MTRF1: variants seen among roughly 807,000 people sequenced by gnomAD.
The protein encoded by MTRF1 is peptide chain release factor 1, mitochondrial.
Under a neutral mutation model 62.9 loss-of-function variants are expected in MTRF1, and 51 were observed. That is an observed-to-expected ratio of 0.81 (90% CI 0.65 to 1.02). The LOEUF (loss-of-function observed/expected upper bound fraction) is 1.02, where lower values mean the gene tolerates loss of function less well. Among genes scored for constraint, MTRF1 ranks in the 50% least tolerant of loss-of-function variants. MTRF1 has a pLI of 0.00. For synonymous variants in MTRF1, 158 were observed against 181.9 expected (o/e 0.87, Z 1.06); for missense variants, 446 against 530.0 (o/e 0.84, Z 1.56).
At chr13:41,293,159 T>C in the MTRF1 span, among the ~76,000 whole-genome samples, 1 of 152,036 alleles carries the variant, frequency 6.6e-6, no homozygotes, top group Non-Finnish European at 1.5e-5. Flanking sequence ...TCTTTGTGTG[T>C]GTGTGTGTGT....
intron 5 of MTRF1, among the ~76,000 whole-genome samples, chr13:41,250,655 A>T (rs1449368518): frequency 1.3e-5 from 2 of 152,106 alleles, no homozygotes; most frequent in African/African-American, 2.4e-5. Flanking sequence ...CACCACACCC[A>T]GCTAATTTTT....
chr13:41,278,918 C>T, the MTRF1 span, among the ~76,000 whole-genome samples: 52 of 152,260 alleles, frequency 3.4e-4, no homozygotes, highest in African/African-American at 1.2e-3. Flanking sequence ...GCTGAACATG[C>T]CTTGTTATAC....
the MTRF1 span, among the ~76,000 whole-genome samples, chr13:41,271,082 C>CACACACACACAT: frequency 6.7e-6 from 1 of 149,944 alleles, no homozygotes; most frequent in Non-Finnish European, 1.5e-5. Flanking sequence ...CACACACACA[C>CACACACACACAT]ACACACACAC....
intron 8 of MTRF1, among the ~76,000 whole-genome samples, chr13:41,224,061 C>G (rs550967418): frequency 6.6e-5 from 10 of 152,246 alleles, no homozygotes; most frequent in African/African-American, 2.4e-4. Flanking sequence ...GCCAATCTTC[C>G]CAGTGTTATT....
intron 9 of MTRF1, among the ~76,000 whole-genome samples, chr13:41,222,421 GC>G: frequency 6.6e-6 from 1 of 152,256 alleles, no homozygotes; most frequent in Admixed American, 6.5e-5. Flanking sequence ...ATTCTAAGAT[GC>G]CCCCTGGTGT....
At chr13:41,286,939 C>T in the MTRF1 span, among the ~76,000 whole-genome samples, 2 of 152,170 alleles carry the variant, frequency 1.3e-5, no homozygotes, top group Non-Finnish European at 2.9e-5. Context: ...TTCTGCTTTA[C>T]CTATCGGAAA....
intron 1 of MTRF1, chr13:41,262,312 G>A (rs560929025): frequency 4.3e-5 from 6 of 141,022 alleles, no homozygotes; most frequent in Non-Finnish European, 6.0e-5. Flanking sequence ...TGCAACCAGC[G>A]TGGGCGACAA....
At chr13:41,243,909 C>G (rs902440933) in intron 5 of MTRF1, among the ~76,000 whole-genome samples, 1 of 152,144 alleles carries the variant, frequency 6.6e-6, no homozygotes, top group African/African-American at 2.4e-5. Flanking sequence ...TGCATATGCT[C>G]TTGCCATTTG....
At chr13:41,276,307 G>A in the MTRF1 span, among the ~76,000 whole-genome samples, 1 of 152,000 alleles carries the variant, frequency 6.6e-6, no homozygotes, top group Admixed American at 6.6e-5. Flanking sequence ...GAGTAGCTGG[G>A]ATTACAGGTA....
At chr13:41,309,714 T>C in the MTRF1 span, among the ~76,000 whole-genome samples, 2 of 152,074 alleles carry the variant, frequency 1.3e-5, no homozygotes, top group Middle Eastern at 3.2e-3. Context: ...GAAAATCAAA[T>C]AGGCAGGCAC....
rs761757522 is a variant in MTRF1, at chr13:41,240,338, C to T, written c.793G>A (p.Glu265Lys). ...TGCATCCTTGAGGACAGGCCCACCT[C>T]GGGGATGCGCTGAACTCGGTGAATC... is the stretch of plus-strand genomic sequence containing the variant. ...GGIHRVQRIP[E>K]VGLSSRMQRI... is the part of the protein sequence containing the mutation. Residue 265 changes from glutamate (E) to lysine (K), a missense_variant, in exon 6 of 10, where the codon GAG becomes AAG. Physicochemically the swap from Glu to Lys is moderately conservative, Grantham distance 56. Coordinates refer to ENST00000379480, the MANE Select transcript of MTRF1 (RefSeq NM_004294.4). 18 of 1,613,782 alleles carry T rather than the reference C, an allele frequency of 1.1e-5. No homozygotes were observed. The highest frequency in any genetic ancestry group is 1.6e-4 in the Middle Eastern group (1 of 6,080).
chr13:41,257,242 C>A (rs2039850197), intron 2 of MTRF1, among the ~76,000 whole-genome samples: 1 of 152,106 alleles, frequency 6.6e-6, no homozygotes, highest in Admixed American at 6.6e-5. Flanking sequence ...AATACCAAAC[C>A]AAGAAATCTC....
chr13:41,299,610 C>G, the MTRF1 span, among the ~76,000 whole-genome samples: 1 of 152,080 alleles, frequency 6.6e-6, no homozygotes, highest in Non-Finnish European at 1.5e-5. Context: ...GTAAGATTGC[C>G]CATAATTAAG....
At chr13:41,225,057 C>G (rs1447839055) in intron 8 of MTRF1, among the ~76,000 whole-genome samples, 1 of 151,864 alleles carries the variant, frequency 6.6e-6, no homozygotes, top group African/African-American at 2.4e-5. Context: ...GTAAAAAATA[C>G]AAAAATGAGC....
the MTRF1 span, among the ~76,000 whole-genome samples, chr13:41,272,624 T>A: frequency 6.2e-3 from 940 of 152,192 alleles, 8 homozygotes; most frequent in African/African-American, 0.021. Flanking sequence ...AAGACCAGCT[T>A]ATTGTTAAAC....
chr13:41,259,712 A>AAAAAAC (rs57661393), intron 2 of MTRF1, among the ~76,000 whole-genome samples: 11 of 136,714 alleles, frequency 8.0e-5, no homozygotes, highest in South Asian at 4.4e-4. Context: ...AAAAAAAAAA[A>AAAAAAC]AAAAAAAAAC....
the MTRF1 span, chr13:41,311,580 T>C: frequency 9.1e-5 from 146 of 1,607,256 alleles, no homozygotes; most frequent in Non-Finnish European, 1.2e-4. Context: ...CAAACGCATC[T>C]TGGTGAGTGG....
rs2037316642 is a variant in MTRF1 at position 41,240,320 on chromosome 13, T to G, written c.811A>C (p.Arg271=). 1 of 1,613,606 alleles carries G rather than the reference T, an allele frequency of 6.2e-7. No homozygotes were observed. Among genetic ancestry groups the G allele is most frequent in the Non-Finnish European group, 8.5e-7 (1 of 1,179,838 alleles). The change falls in exon 6 of 10, where the codon AGG becomes CGG. Residue 271 remains arginine, a synonymous_variant. Transcript: ENST00000379480. ...QRIPEVGLSS[R]MQRIHTGTMS... ...GTTCCTGTGTGAATGCGCTGCATCC[T>G]TGAGGACAGGCCCACCTCGGGGATG...
In MTRF1 at chr13:41,260,519, A is replaced by G. The variant is rs1272783562; in HGVS notation, c.389T>C (p.Ile130Thr). 7 of 1,613,212 alleles carry G rather than the reference A, an allele frequency of 4.3e-6. No individual in the cohort carries two copies. The highest frequency in any genetic ancestry group is 5.9e-6 in the Non-Finnish European group (7 of 1,179,546). Residue 130 changes from isoleucine to threonine, a missense_variant, in exon 2 of 10, where the codon ATT becomes ACT. Physicochemically the swap from Ile to Thr is moderately conservative, Grantham distance 89. Transcript: ENST00000379480. ...YQEIQETEQAIEELESMCKSL... is the reference protein window; with the variant it reads ...YQEIQETEQATEELESMCKSL... ...TTTACACATTGATTCTAATTCTTCA[A>G]TTGCTTGTTCAGTCTCCTGAATTTC... is the stretch of plus-strand genomic sequence containing the variant.
Sources: gnomAD v4.1 joint callset for allele counts (sites outside exome capture counted in the v4.1 genomes callset) on GRCh38, gnomAD v4.1.1 for gene constraint, MANE v1.5 for transcripts, NCBI Gene and HGNC (gene_info 2026-07-23, HGNC 2026-07-21) for gene names.